The following SPPL3 variants were observed in gnomAD, a reference collection of about 807,000 sequenced individuals.
SPPL3 encodes signal peptide peptidase like 3, also known as signal peptide peptidase-like 3.
A neutral mutation model predicts 42.4 loss-of-function variants in SPPL3; 5 were observed. That is an observed-to-expected ratio of 0.12 (90% CI 0.06 to 0.25). The LOEUF is 0.25. Ranked by LOEUF, SPPL3 falls within the 10% of genes least tolerant of loss-of-function variation. SPPL3 has a pLI of 1.00. For missense variants in SPPL3, 235 were observed against 489.0 expected (o/e 0.48, Z 4.90); for synonymous variants, 195 against 181.8 (o/e 1.07, Z -0.58).
intron 6 of SPPL3, among the ~76,000 whole-genome samples, chr12:120,779,746 G>A (rs1011917971): frequency 4.4e-4 from 66 of 150,732 alleles, no homozygotes; most frequent in Admixed American, 3.8e-3. Context: ...AGGCTGAGGC[G>A]GGTGGATCAC....
chr12:120,899,609 C>T (rs568450703), intron 1 of SPPL3, among the ~76,000 whole-genome samples: 4 of 151,910 alleles, frequency 2.6e-5, no homozygotes, highest in South Asian at 2.1e-4. Flanking sequence ...ATAAAAAGAT[C>T]GCCGGGCACA....
chr12:120,825,912 A>G (rs1012945303), intron 1 of SPPL3, among the ~76,000 whole-genome samples: 1 of 149,212 alleles, frequency 6.7e-6, no homozygotes, highest in Non-Finnish European at 1.5e-5. Flanking sequence ...GTCACAAACT[A>G]TATTTTGAAA....
intron 1 of SPPL3, among the ~76,000 whole-genome samples, chr12:120,899,487 C>A (rs1873907171): frequency 6.6e-6 from 1 of 151,964 alleles, no homozygotes; most frequent in African/African-American, 2.4e-5. Context: ...TATGGGAGAA[C>A]CAAGGTTAGT....
intron 1 of SPPL3, among the ~76,000 whole-genome samples, chr12:120,815,485 G>A (rs901472195): frequency 5.9e-5 from 9 of 152,062 alleles, no homozygotes; most frequent in African/African-American, 9.7e-5. Flanking sequence ...AAACAAGAGC[G>A]GCTTTCTTCT....
chr12:120,822,366 A>G (rs770197437), intron 1 of SPPL3, among the ~76,000 whole-genome samples: 43 of 152,236 alleles, frequency 2.8e-4, no homozygotes, highest in Non-Finnish European at 3.1e-4. Flanking sequence ...CTGTTTCATT[A>G]AAAGATTATT....
intron 1 of SPPL3, among the ~76,000 whole-genome samples, chr12:120,837,822 A>G (rs1327415416): frequency 1.4e-5 from 2 of 146,570 alleles, no homozygotes; most frequent in Non-Finnish European, 3.0e-5. Context: ...GCTGTTACAT[A>G]CACACACACA....
chr12:120,811,144 C>T (rs1870670024), intron 1 of SPPL3: 3 of 321,600 alleles, frequency 9.3e-6, no homozygotes, highest in Admixed American at 4.8e-5. Context: ...AAAATCCCAT[C>T]TCTGTATATG....
chr12:120,806,919 C>T (rs533926143), intron 2 of SPPL3, among the ~76,000 whole-genome samples: 2 of 151,764 alleles, frequency 1.3e-5, no homozygotes, highest in Admixed American at 6.6e-5. Flanking sequence ...ACCAGTTTCA[C>T]ATTTTATGGA....
intron 1 of SPPL3, among the ~76,000 whole-genome samples, chr12:120,859,003 G>C (rs1323451771): frequency 6.6e-6 from 1 of 152,060 alleles, no homozygotes; most frequent in Non-Finnish European, 1.5e-5. Context: ...TATAAGAGAT[G>C]GTTATGTTTT....
chr12:120,872,865 T>A (rs1471967482), intron 1 of SPPL3, among the ~76,000 whole-genome samples: 16 of 152,192 alleles, frequency 1.1e-4, no homozygotes. Context: ...AGGATCAAAC[T>A]GATCCAAACA....
intron 1 of SPPL3, among the ~76,000 whole-genome samples, chr12:120,842,142 T>C (rs1011881337): frequency 6.6e-6 from 1 of 152,220 alleles, no homozygotes; most frequent in Non-Finnish European, 1.5e-5. Context: ...AAAATTGTGA[T>C]GGCAAGAAGT....
At chr12:120,857,073 A>T (rs1282270409) in intron 1 of SPPL3, among the ~76,000 whole-genome samples, 1 of 152,298 alleles carries the variant, frequency 6.6e-6, no homozygotes, top group South Asian at 2.1e-4. Flanking sequence ...CAGAGACAGG[A>T]GAAGAAAAGG....
intron 3 of SPPL3, among the ~76,000 whole-genome samples, chr12:120,789,680 C>T (rs1015939489): frequency 2.9e-4 from 44 of 151,496 alleles, no homozygotes; most frequent in African/African-American, 9.0e-4. Context: ...CAAAAATTAG[C>T]CAGGCATGGT....
chr12:120,787,633 T>C (rs1869765883), intron 3 of SPPL3, among the ~76,000 whole-genome samples: 1 of 152,142 alleles, frequency 6.6e-6, no homozygotes, highest in Admixed American at 6.6e-5. Context: ...CCAGAAATCT[T>C]CCTTTGTGTC....
In SPPL3 at chr12:120,767,377, C is replaced by A; in HGVS notation, c.973+17G>T. 1.9e-6 allele frequency: 3 copies of A among 1,608,714 alleles called. No homozygotes were observed. Among genetic ancestry groups the A allele is most frequent in the Non-Finnish European group, 2.5e-6 (3 of 1,178,926 alleles). On this transcript the variant is annotated intron_variant, in intron 9 of 10. Transcript: ENST00000353487. ...AGCCAGAGCGAGGATCATCTGCAGT[C>A]TCTCTGGTTCTCTTACCTACAAAGT...
intron 1 of SPPL3, among the ~76,000 whole-genome samples, chr12:120,821,967 C>T (rs1276476166): frequency 6.6e-6 from 1 of 150,890 alleles, no homozygotes; most frequent in Non-Finnish European, 1.5e-5. Context: ...ACTTCAAAAA[C>T]ATGATGCTAT....
chr12:120,791,607 G>C, intron 2 of SPPL3, 50 bp from the exon 3 acceptor site: 1 of 1,236,614 alleles, frequency 8.1e-7, no homozygotes. Context: ...TACAAAAGAA[G>C]GTCAGAAAAG....
At chr12:120,871,107 G>A (rs552315599) in intron 1 of SPPL3, among the ~76,000 whole-genome samples, 19 of 107,012 alleles carry the variant, frequency 1.8e-4, no homozygotes, top group African/African-American at 5.9e-4. Flanking sequence ...TCCAGCCTGG[G>A]CGACAGAGTG....
intron 1 of SPPL3, among the ~76,000 whole-genome samples, chr12:120,828,924 T>TTTTTTA (rs931301818): frequency 2.6e-5 from 4 of 151,766 alleles, no homozygotes; most frequent in Non-Finnish European, 4.4e-5. Context: ...TCCGGCTAAG[T>TTTTTTA]TTTTTATTTT....
Sources: gnomAD v4.1 joint callset for allele counts (sites outside exome capture counted in the v4.1 genomes callset) on GRCh38, gnomAD v4.1.1 for gene constraint, MANE v1.5 for transcripts, NCBI Gene and HGNC (gene_info 2026-07-23, HGNC 2026-07-21) for gene names.